The following GRID2 variants were observed in gnomAD, a reference collection of about 807,000 sequenced individuals.
GRID2 encodes the protein glutamate receptor ionotropic, delta-2.
In GRID2, 33 loss-of-function variants were observed where a neutral mutation model predicts 114.8. The ratio of observed to expected loss-of-function variants is 0.29; its 90% confidence interval spans 0.22 to 0.38. GRID2 has a LOEUF of 0.38. GRID2 is among the 10% of genes least tolerant of loss of function. The pLI is 1.00. For synonymous variants in GRID2, 505 were observed against 449.9 expected (o/e 1.12, Z -1.55); for missense variants, 1,184 against 1,257.7 (o/e 0.94, Z 0.89).
intron 2 of GRID2, among the ~76,000 whole-genome samples, chr4:92,667,930 T>G (rs1441125088): frequency 6.6e-6 from 1 of 151,798 alleles, no homozygotes; most frequent in Non-Finnish European, 1.5e-5. Flanking sequence ...CTTCAAAGAT[T>G]ATGACCTTTT....
chr4:92,611,304 T>C (rs1379441841), intron 2 of GRID2, among the ~76,000 whole-genome samples: 1 of 151,524 alleles, frequency 6.6e-6, no homozygotes. Flanking sequence ...TTGAGGACTC[T>C]CCACTTAGGT....
rs948582075 is a variant in GRID2, at chr4:93,228,462, T to C, written c.1125+3687T>C. Among the ~76,000 whole-genome samples the C allele has an allele frequency of 7.2e-5, 11 of 152,182 alleles. No homozygotes were observed. In the South Asian group the frequency reaches 1.7e-3, roughly 23 times the overall value. On this transcript the variant is annotated intron_variant, in intron 7 of 15. Transcript: ENST00000282020. ...ATACCATTACAATGGCAATTGCATT[T>C]CAAGATGAGTTTTGGTGGGGATTTC...
At chr4:92,392,180 A>C (rs1423879542) in intron 1 of GRID2, among the ~76,000 whole-genome samples, 1 of 152,152 alleles carries the variant, frequency 6.6e-6, no homozygotes, top group African/African-American at 2.4e-5. Context: ...AAAATGATTT[A>C]TATTGCCCTG....
intron 1 of GRID2, among the ~76,000 whole-genome samples, chr4:92,550,918 T>C (rs1199630721): frequency 1.3e-5 from 2 of 152,178 alleles, no homozygotes; most frequent in African/African-American, 4.8e-5. Flanking sequence ...AGTCTCAAAT[T>C]TTAGAACTTC....
intron 2 of GRID2, among the ~76,000 whole-genome samples, chr4:93,058,100 A>G (rs1250901877): frequency 3.0e-5 from 2 of 67,044 alleles, no homozygotes; most frequent in African/African-American, 7.3e-5. Context: ...TGTGCATTGA[A>G]TTGCCAGATT....
intron 1 of GRID2, among the ~76,000 whole-genome samples, chr4:92,450,689 A>G (rs373484564): frequency 2.2e-4 from 34 of 151,718 alleles, no homozygotes; most frequent in African/African-American, 8.0e-4. Flanking sequence ...TCACTTTTCA[A>G]TATTCTTAAT....
chr4:93,034,348 G>C (rs1362963640), intron 2 of GRID2, among the ~76,000 whole-genome samples: 2 of 152,120 alleles, frequency 1.3e-5, no homozygotes, highest in Non-Finnish European at 2.9e-5. Context: ...CATAAACCTT[G>C]TACGTCAGCA....
intron 11 of GRID2, among the ~76,000 whole-genome samples, chr4:93,473,575 T>C (rs1201199129): frequency 6.6e-6 from 1 of 152,092 alleles, no homozygotes; most frequent in Non-Finnish European, 1.5e-5. Context: ...CCTAAATCAT[T>C]TGGACAAAAG....
intron 14 of GRID2, among the ~76,000 whole-genome samples, chr4:93,759,903 A>ATT (rs569172393): frequency 8.5e-5 from 13 of 152,186 alleles, no homozygotes; most frequent in Non-Finnish European, 1.8e-4. Context: ...ATTTATACAG[A>ATT]TTTTCTTTAG....
At chr4:92,517,915 AC>A (rs1246704248) in intron 1 of GRID2, among the ~76,000 whole-genome samples, 37 of 152,006 alleles carry the variant, frequency 2.4e-4, no homozygotes, top group African/African-American at 8.9e-4. Context: ...AAACAAACAA[AC>A]AAAAAACCAA....
intron 2 of GRID2, among the ~76,000 whole-genome samples, chr4:92,600,024 A>ATG (rs145357264): frequency 0.022 from 1,743 of 79,426 alleles, 99 homozygotes; most frequent in South Asian, 0.026. Flanking sequence ...TACTTCATGT[A>ATG]TGTGTGTGTG....
At chr4:93,433,234 A>G (rs1182542450) in intron 10 of GRID2, among the ~76,000 whole-genome samples, 1 of 152,218 alleles carries the variant, frequency 6.6e-6, no homozygotes, top group Admixed American at 6.5e-5. Context: ...GATTGTTGTA[A>G]GGAATATCTA....
At chr4:93,235,276 G>A (rs1320674848) in intron 7 of GRID2, among the ~76,000 whole-genome samples, 3 of 151,994 alleles carry the variant, frequency 2.0e-5, no homozygotes, top group Admixed American at 2.0e-4. Context: ...TACTCTGGCA[G>A]CAATTTTTAC....
chr4:93,767,859 C>A (rs1368622678), intron 14 of GRID2, among the ~76,000 whole-genome samples: 1 of 152,164 alleles, frequency 6.6e-6, no homozygotes, highest in Non-Finnish European at 1.5e-5. Flanking sequence ...GGTTCACATA[C>A]CCCAAGTCTA....
At chr4:92,336,944 T>A (rs1021043488) in intron 1 of GRID2, among the ~76,000 whole-genome samples, 1 of 140,040 alleles carries the variant, frequency 7.1e-6, no homozygotes, top group Non-Finnish European at 1.5e-5. Flanking sequence ...AAGTCAGGTC[T>A]TTCGTTGTTG....
rs760605020 is a variant in GRID2, at chr4:92,688,037, CTTTTT to C, written c.244+97776_244+97780del. On this transcript the variant is annotated intron_variant, in intron 2 of 15. Coordinates refer to ENST00000282020, the MANE Select transcript of GRID2 (RefSeq NM_001510.4). Reference sequence around the variant, plus strand: ...GCCACATTGGTTGACCCTTCTTCTTCTTTTTTTTTTTTTTTTTTTTTTTTTTTTTG... The same window carrying C: ...GCCACATTGGTTGACCCTTCTTCTTCTTTTTTTTTTTTTTTTTTTTTTTTG... Among the ~76,000 whole-genome samples the C allele has an allele frequency of 4.3e-4, 19 of 44,658 alleles. 1 individual carries two copies. Among genetic ancestry groups the C allele is most frequent in the East Asian group, 1.1e-3 (2 of 1,896 alleles). The allele number at this position is 44,658 out of a possible 152,430, so 29.3% of individuals were successfully genotyped here.
chr4:92,815,008 T>A (rs1740823110), intron 2 of GRID2, among the ~76,000 whole-genome samples: 2 of 152,124 alleles, frequency 1.3e-5, no homozygotes, highest in African/African-American at 4.8e-5. Context: ...GAGCAGGCAG[T>A]GGGGGGTGGA....
intron 3 of GRID2, among the ~76,000 whole-genome samples, chr4:93,096,071 A>G (rs1015804199): frequency 6.6e-6 from 1 of 152,018 alleles, no homozygotes; most frequent in Non-Finnish European, 1.5e-5. Context: ...ACCCACAGGC[A>G]TAGAGTGGGG....
intron 1 of GRID2, among the ~76,000 whole-genome samples, chr4:92,375,176 A>G (rs1729296098): frequency 6.6e-6 from 1 of 152,190 alleles, no homozygotes; most frequent in South Asian, 2.1e-4. Flanking sequence ...TTTAAGTATA[A>G]CTTAAAATTG....
Sources: gnomAD v4.1 joint callset for allele counts (sites outside exome capture counted in the v4.1 genomes callset) on GRCh38, gnomAD v4.1.1 for gene constraint, MANE v1.5 for transcripts, NCBI Gene and HGNC (gene_info 2026-07-23, HGNC 2026-07-21) for gene names.